Variants in NSF observed in about 807,000 individuals in gnomAD.
NSF encodes N-ethylmaleimide sensitive factor, vesicle fusing ATPase.
In NSF, 14 loss-of-function variants were observed where a neutral mutation model predicts 50.3. The observed-to-expected ratio is 0.28, with a 90% CI of 0.18 to 0.44. The LOEUF (loss-of-function observed/expected upper bound fraction) is 0.44. NSF is among the 20% of genes least tolerant of loss of function. NSF has a pLI of 1.00. For synonymous variants in NSF, 109 were observed against 175.7 expected, an observed-to-expected ratio of 0.62 and a Z score of 3.00; for missense variants, 218 against 504.3, an observed-to-expected ratio of 0.43 and a Z score of 5.44.
Position 46,728,829 on chromosome 17 carries a change from T to C in NSF, c.1829-26T>C, listed in dbSNP as rs751123815. On this transcript the variant is annotated intron_variant, in intron 16 of 20. Transcript: ENST00000398238. Reference sequence around the variant, plus strand: ...AATATGTACATGTGTATCAAATCCCTAAACATAATAATGTTTCTTTTCCAG... The same window carrying C: ...AATATGTACATGTGTATCAAATCCCCAAACATAATAATGTTTCTTTTCCAG... 1.1e-5 allele frequency: 17 copies of C among 1,481,008 alleles called. No homozygotes were observed. In the East Asian group the frequency reaches 3.9e-4, roughly 34 times the overall value. The allele number at this position is 1,481,008 out of a possible 1,614,324, so 91.7% of individuals were successfully genotyped here.
chr17:46,676,227 C>A (rs1215711689), intron 9 of NSF, among the ~76,000 whole-genome samples: 4 of 140,302 alleles, frequency 2.9e-5, no homozygotes, highest in Non-Finnish European at 4.4e-5. Context: ...TATGGGAATT[C>A]TTCTTCTTTT....
At chr17:46,716,401 C>T (rs1438981154) in intron 15 of NSF, among the ~76,000 whole-genome samples, 2 of 152,028 alleles carry the variant, frequency 1.3e-5, no homozygotes, top group Non-Finnish European at 2.9e-5. Flanking sequence ...GGACTACAGG[C>T]ACCCGCCACC....
At chr17:46,721,660 C>T (rs2058831914) in intron 15 of NSF, 7 of 1,602,680 alleles carry the variant, frequency 4.4e-6, no homozygotes, top group Non-Finnish European at 5.1e-6. Context: ...AAGTTTCAAC[C>T]TTGTGTTCCA....
At position 46,739,201 on chromosome 17, in the gene NSF, C is replaced by T. The variant is rs184019243; in HGVS notation, c.1908+10267C>T. Among the ~76,000 whole-genome samples the T allele has an allele frequency of 3.0e-3, 462 of 152,006 alleles. 8 individuals are homozygous for T. The highest frequency in any genetic ancestry group is 0.011 in the African/African-American group (440 of 41,454). On this transcript the variant is annotated intron_variant, in intron 17 of 20. Coordinates refer to ENST00000398238, the MANE Select transcript of NSF (RefSeq NM_006178.4). ...CCTGGCCAGTATGGTGAAACCCCCGCCTCTACTAAAAATACAAAAATTAGC... is the reference window on the plus strand; with the variant it reads ...CCTGGCCAGTATGGTGAAACCCCCGTCTCTACTAAAAATACAAAAATTAGC...
At chr17:46,685,080 TAAAAC>T (rs1316325621) in intron 9 of NSF, among the ~76,000 whole-genome samples, 1 of 122,812 alleles carries the variant, frequency 8.1e-6, no homozygotes, top group Admixed American at 9.7e-5. Flanking sequence ...TAGTACTACT[TAAAAC>T]AGAAACTCAG....
At position 46,713,908 on chromosome 17, in the gene NSF, C is replaced by CT; in HGVS notation, c.1685dup (p.Phe564ValfsTer8). 2 of 1,613,020 alleles carry CT rather than the reference C, an allele frequency of 1.2e-6. No homozygotes were observed. The highest frequency in any genetic ancestry group is 1.7e-6 in the Non-Finnish European group (2 of 1,179,698). Reference sequence around the variant, plus strand: ...CTGCAAAAATTGCAGAGGAATCCAACTTCCCGTTCATCAAGATCTGTTCTC... The same window carrying CT: ...CTGCAAAAATTGCAGAGGAATCCAACTTTCCCGTTCATCAAGATCTGTTCTC... On this transcript the variant is annotated frameshift_variant, in exon 15 of 21. Coordinates refer to ENST00000398238, the MANE Select transcript of NSF (RefSeq NM_006178.4). LOFTEE classifies it high-confidence loss of function.
At chr17:46,713,526 A>G (rs1333665658) in intron 14 of NSF, among the ~76,000 whole-genome samples, 1 of 152,222 alleles carries the variant, frequency 6.6e-6, no homozygotes, top group East Asian at 1.9e-4. Flanking sequence ...AACTAACAAC[A>G]TAAGTACTAA....
rs148930686 is a variant in NSF at position 46,635,777 on chromosome 17, ATGTGTGTGTGTGTGTGTGTG to A, written c.239-1576_239-1557del. 2.6e-5 allele frequency among the ~76,000 whole-genome samples: 3 copies of A among 116,796 alleles called. No individual in the cohort carries two copies. The South Asian group carries it at 7.9e-4, about 31-fold the overall frequency. 76.6% of individuals were successfully genotyped at this position (116,796 alleles called of 152,430 possible). A position where few individuals can be genotyped will look rare whatever the true frequency, so the allele number is the denominator to read the frequency against. On this transcript the variant is annotated intron_variant, in intron 4 of 20. Transcript: ENST00000398238. Reference sequence around the variant, plus strand: ...TTCAGGGAACCTAAAGGGAAAATAAATGTGTGTGTGTGTGTGTGTGTGTGTGTGTGTGTGTGTGTGTGCTC... The same window carrying A: ...TTCAGGGAACCTAAAGGGAAAATAAATGTGTGTGTGTGTGTGTGTGTGCTC...
intron 13 of NSF, among the ~76,000 whole-genome samples, chr17:46,709,766 A>T (rs558057269): frequency 6.6e-6 from 1 of 152,300 alleles, no homozygotes; most frequent in East Asian, 1.9e-4. Flanking sequence ...AAGTGCTGGG[A>T]TTATAGGCTT....
chr17:46,717,296 G>T (rs919782388), intron 15 of NSF, among the ~76,000 whole-genome samples: 2 of 152,164 alleles, frequency 1.3e-5, no homozygotes, highest in African/African-American at 2.4e-5. Context: ...CTAAACAATT[G>T]AACTCAGGGA....
chr17:46,750,118 C>T (rs1343999258), intron 18 of NSF, among the ~76,000 whole-genome samples: 6 of 152,222 alleles, frequency 3.9e-5, no homozygotes, highest in Middle Eastern at 3.4e-3. Context: ...TTTGGGAGGA[C>T]GGGGCAGGTG....
At chr17:46,667,490 CT>C (rs1418499667) in intron 8 of NSF, among the ~76,000 whole-genome samples, 3 of 137,490 alleles carry the variant, frequency 2.2e-5, no homozygotes, top group Non-Finnish European at 4.9e-5. Context: ...AAATCTTTAC[CT>C]TGCAAAACTA....
intron 17 of NSF, among the ~76,000 whole-genome samples, chr17:46,739,640 TA>T (rs1009544381): frequency 3.1e-4 from 45 of 144,806 alleles, no homozygotes; most frequent in African/African-American, 3.3e-4. Context: ...CTTCCTCTAC[TA>T]AAAAAAAAAA....
chr17:46,726,517 G>A (rs375095685), intron 15 of NSF, 32 bp from the exon 16 acceptor site: 20 of 1,600,528 alleles, frequency 1.2e-5, no homozygotes, highest in Non-Finnish European at 1.5e-5. Flanking sequence ...GTGGAGGACA[G>A]TGAGATAATA....
At chr17:46,735,981 T>A (rs1269064259) in intron 17 of NSF, among the ~76,000 whole-genome samples, 3 of 152,128 alleles carry the variant, frequency 2.0e-5, no homozygotes, top group Non-Finnish European at 4.4e-5. Context: ...CCACAGAACC[T>A]TTTCAGCTTG....
chr17:46,721,816 G>C, intron 15 of NSF: 1 of 1,598,718 alleles, frequency 6.3e-7, no homozygotes, highest in South Asian at 1.1e-5. Flanking sequence ...TACGGCTCCT[G>C]GGACACTTTT....
intron 17 of NSF, among the ~76,000 whole-genome samples, chr17:46,734,623 T>A (rs2058982282): frequency 6.6e-6 from 1 of 152,166 alleles, no homozygotes; most frequent in Admixed American, 6.6e-5. Context: ...AGAAAGATAA[T>A]GTATAGTGAA....
intron 17 of NSF, among the ~76,000 whole-genome samples, chr17:46,734,908 G>T (rs1414520733): frequency 6.6e-6 from 1 of 152,032 alleles, no homozygotes; most frequent in East Asian, 1.9e-4. Context: ...AAAGTTAGTC[G>T]AATGTGGTGG....
In NSF at chr17:46,713,906, A is replaced by G. The variant is rs2058742964; in HGVS notation, c.1681A>G (p.Asn561Asp). The stretch of plus-strand genomic sequence containing the variant: ...AGCTGCAAAAATTGCAGAGGAATCC[A>G]ACTTCCCGTTCATCAAGATCTGTTC... ...ALAAKIAEES[N>D]FPFIKICSPD... The change falls in exon 15 of 21, where the codon AAC becomes GAC. Residue 561 changes from asparagine to aspartate, a missense_variant. Coordinates refer to ENST00000398238, the MANE Select transcript of NSF (RefSeq NM_006178.4). The G allele has an allele frequency of 6.2e-7, 1 of 1,612,860 alleles. No homozygotes were observed. The highest frequency in any genetic ancestry group is 8.5e-7 in the Non-Finnish European group (1 of 1,179,710).
Sources: gnomAD v4.1 joint callset for allele counts (sites outside exome capture counted in the v4.1 genomes callset) on GRCh38, gnomAD v4.1.1 for gene constraint, MANE v1.5 for transcripts, NCBI Gene and HGNC (gene_info 2026-07-23, HGNC 2026-07-21) for gene names.